ITGA7: variants seen among roughly 807,000 people sequenced by gnomAD.
ITGA7 encodes the protein integrin subunit alpha 7, also known as integrin alpha-7.
Under a neutral mutation model 131.6 loss-of-function variants are expected in ITGA7, and 84 were observed. The ratio of observed to expected loss-of-function variants is 0.64; its 90% CI spans 0.54 to 0.77. ITGA7 has a LOEUF of 0.77. ITGA7 is among the 30% of genes least tolerant of loss of function. The probability of loss-of-function intolerance (pLI) is 0.00; values close to 1 mark genes in which losing one functional copy is unlikely to be tolerated. For synonymous variants in ITGA7, 548 were observed against 600.7 expected (o/e 0.91, Z 1.28); for missense variants, 1,399 against 1,482.9 (o/e 0.94, Z 0.93).
In ITGA7 at chr12:55,701,129, C is replaced by G; in HGVS notation, c.440G>C (p.Arg147Thr). ...IVTCAHRYEA[R>T]QRVDQILETR... is the part of the protein sequence containing the mutation. ...CTCCAGGATCTGGTCCACTCGCTGC[C>G]TTGCCTCATATCGGTGTGCACAGGT... The change falls in exon 4 of 25, where the codon AGG becomes ACG. Residue 147 changes from arginine (R) to threonine (T), a missense_variant. Coordinates refer to ENST00000257879, the MANE Select transcript of ITGA7 (RefSeq NM_002206.3). 1 of 1,614,238 alleles carries G rather than the reference C, an allele frequency of 6.2e-7. No individual in the cohort carries two copies.
intron 24 of ITGA7, chr12:55,686,163 C>A (rs775099020): frequency 2.3e-5 from 27 of 1,152,170 alleles, no homozygotes; most frequent in Non-Finnish European, 3.1e-5. Flanking sequence ...CACATACATA[C>A]CCACACACAC....
upstream of ITGA7, among the ~76,000 whole-genome samples, chr12:55,714,921 C>T (rs1217856596): frequency 7.4e-6 from 1 of 136,054 alleles, no homozygotes; most frequent in Non-Finnish European, 1.5e-5. Flanking sequence ...AGTTCAGTGG[C>T]GTGATCTCGG....
chr12:55,693,901 G>A, intron 19 of ITGA7, 120 bp downstream of exon 19: 3 of 795,440 alleles, frequency 3.8e-6, no homozygotes, highest in Admixed American at 4.0e-5. Context: ...GCAGGACAGA[G>A]GCCTCAAACT....
chr12:55,695,501 C>A, intron 14 of ITGA7, 21 bp downstream of exon 14: 1 of 1,343,866 alleles, frequency 7.4e-7, no homozygotes, highest in South Asian at 1.2e-5. Context: ...CCACCCCCAC[C>A]CTGCTCTCTG....
In ITGA7 at chr12:55,697,702, G is replaced by C. The variant is rs959396943; in HGVS notation, c.1402C>G (p.Leu468Val). The C allele has an allele frequency of 1.1e-5, 17 of 1,614,064 alleles. No homozygotes were observed. In the African/African-American group the frequency reaches 1.7e-4, roughly 16 times the overall value. Residue 468 changes from leucine to valine, a missense_variant, in exon 9 of 25, where the codon CTC becomes GTC. Transcript: ENST00000257879. ...LVGSLADTAV[L>V]FRARPILHVS... ...AGGTTGAGAGGGGCTCACCTGAAGAGCACTGCGGTGTCAGCCAGGGAGCCC... is the reference window on the plus strand; with the variant it reads ...AGGTTGAGAGGGGCTCACCTGAAGACCACTGCGGTGTCAGCCAGGGAGCCC...
Position 55,695,750 on chromosome 12 carries a change from A to G in ITGA7, c.1888-113T>C. 5 of 751,484 alleles carry G rather than the reference A, an allele frequency of 6.7e-6. No homozygotes were observed. The South Asian group carries it at 7.3e-5, about 11-fold the overall frequency. 46.6% of individuals were successfully genotyped at this position (751,484 alleles called of 1,614,324 possible). ...CACAGGATTAAACAACCTGTCCTCA[A>G]CTCTCAGATCTGCTGCTTATTAGCC... is the stretch of plus-strand genomic sequence containing the variant. On this transcript the variant is annotated intron_variant, in intron 13 of 24. Transcript: ENST00000257879.
upstream of ITGA7, chr12:55,712,111 T>C: frequency 6.4e-7 from 1 of 1,551,532 alleles, no homozygotes; most frequent in Non-Finnish European, 8.7e-7. Flanking sequence ...CTGGTTGTAG[T>C]CAAAGCTTGA....
At chr12:55,702,983 G>T (rs774215522) in intron 2 of ITGA7, 32 bp from the exon 3 acceptor site, 1 of 1,613,218 alleles carries the variant, frequency 6.2e-7, no homozygotes, top group Non-Finnish European at 8.5e-7. Context: ...TTAGGGGAGG[G>T]AAGAGGAGCC....
intron 12 of ITGA7, among the ~76,000 whole-genome samples, 172 bp from the exon 13 acceptor site, chr12:55,696,604 A>G (rs567514189): frequency 1.3e-5 from 2 of 152,308 alleles, no homozygotes; most frequent in South Asian, 4.1e-4. Flanking sequence ...GGTAGGGGAC[A>G]GGGGAAACCT....
chr12:55,693,375 T>C (rs1871912082), intron 19 of ITGA7, 58 bp from the exon 20 acceptor site: 1 of 1,432,358 alleles, frequency 7.0e-7, no homozygotes, highest in African/African-American at 1.4e-5. Context: ...TTTTTTTTTT[T>C]TAATTTTTTG....
intron 3 of ITGA7, among the ~76,000 whole-genome samples, chr12:55,702,499 G>A (rs1874275565): frequency 6.6e-6 from 1 of 151,990 alleles, no homozygotes. Context: ...ATTTTTAGGA[G>A]AGACAGGGTT....
At chr12:55,698,109 A>G in intron 7 of ITGA7, 83 bp from the exon 8 acceptor site, 2 of 1,284,482 alleles carry the variant, frequency 1.6e-6, no homozygotes, top group Admixed American at 1.7e-5. Context: ...CCAGTCACTC[A>G]GGTATGTTTT....
In ITGA7 at chr12:55,697,925, C is replaced by A. The variant is rs143895796; in HGVS notation, c.1281+13G>T. 1.9e-6 allele frequency: 3 copies of A among 1,613,976 alleles called. No homozygotes were observed. The highest frequency in any genetic ancestry group is 2.5e-6 in the Non-Finnish European group (3 of 1,180,008). On this transcript the variant is annotated intron_variant, in intron 8 of 24. Coordinates refer to ENST00000257879, the MANE Select transcript of ITGA7 (RefSeq NM_002206.3). The stretch of plus-strand genomic sequence containing the variant: ...ACCCACACCCATTCCCTCATCCCAG[C>A]GACTCCCCTCACCTGTGAAGGTTTG...
At chr12:55,700,765 G>A (rs1592465102) in intron 4 of ITGA7, 134 bp downstream of exon 4, 10 of 1,158,130 alleles carry the variant, frequency 8.6e-6, no homozygotes, top group East Asian at 2.4e-5. Flanking sequence ...CAATGGGGTG[G>A]AAGGCATGGC....
chr12:55,701,193 G>A (rs1314929081), intron 3 of ITGA7, 39 bp from the exon 4 acceptor site: 3 of 1,613,864 alleles, frequency 1.9e-6, no homozygotes, highest in African/African-American at 2.7e-5. Context: ...CACTCTGTGG[G>A]CCAGGGACCT....
chr12:55,716,064 A>T (rs569048037), upstream of ITGA7: 2 of 1,562,216 alleles, frequency 1.3e-6, no homozygotes, highest in Admixed American at 3.8e-5. Context: ...GGCCCCGGGG[A>T]GCCGAGGTGA....
At position 55,688,397 on chromosome 12, in the gene ITGA7, C is replaced by T. The variant is rs886360406; in HGVS notation, c.2959-97G>A. On this transcript the variant is annotated intron_variant, in intron 22 of 24. Coordinates refer to ENST00000257879, the MANE Select transcript of ITGA7 (RefSeq NM_002206.3). ...ATTATAAATGTAATGGTGCCCAACACAGAGGATGTTTCTGCCTGGTTTGGG... is the reference window on the plus strand; with the variant it reads ...ATTATAAATGTAATGGTGCCCAACATAGAGGATGTTTCTGCCTGGTTTGGG... 1.7e-5 allele frequency: 16 copies of T among 936,122 alleles called. No homozygotes were observed. In the South Asian group the frequency reaches 2.2e-4, roughly 13 times the overall value. 58.0% of individuals were successfully genotyped at this position (936,122 alleles called of 1,614,324 possible).
At chr12:55,710,704 A>G (rs1000287928), upstream of ITGA7, among the ~76,000 whole-genome samples, 1 of 152,112 alleles carries the variant, frequency 6.6e-6, no homozygotes, top group Non-Finnish European at 1.5e-5. Flanking sequence ...TGAAGGCTGC[A>G]GTGAGCCATG....
intron 6 of ITGA7, 38 bp downstream of exon 6, chr12:55,698,672 C>T (rs1873216978): frequency 6.2e-7 from 1 of 1,612,126 alleles, no homozygotes; most frequent in South Asian, 1.1e-5. Flanking sequence ...CTACTAGACC[C>T]AGCCTCCCTC....
Sources: allele counts gnomAD v4.1 joint callset (sites outside exome capture counted in the v4.1 genomes callset), GRCh38; gene constraint gnomAD v4.1.1; transcripts MANE v1.5; gene names NCBI Gene and HGNC (gene_info 2026-07-23, HGNC 2026-07-21).